The following MPV17 variants were observed in gnomAD, a reference collection of about 807,000 sequenced individuals.
MPV17 encodes MPV17, mitochondrial inner membrane protein.
MPV17 carries 31 observed loss-of-function variants against 28.6 expected under a neutral mutation model. The ratio of observed to expected loss-of-function variants is 1.08; its 90% CI spans 0.81 to 1.46. The LOEUF is 1.46. MPV17 is among the 40% of genes most tolerant of loss of function. The probability of loss-of-function intolerance (pLI) is 0.00; values close to 1 mark genes in which losing one functional copy is unlikely to be tolerated. For missense variants in MPV17, 198 were observed against 216.2 expected, an observed-to-expected ratio of 0.92 and a Z score of 0.53; for synonymous variants, 87 against 85.3, an observed-to-expected ratio of 1.02 and a Z score of -0.11.
At chr2:27,313,512 C>A (rs1679538839) in intron 2 of MPV17, 2 of 430,982 alleles carry the variant, frequency 4.6e-6, no homozygotes, top group Non-Finnish European at 8.6e-6. Context: ...AGTCCAGGGT[C>A]TCACATAACC....
chr2:27,315,867 C>T, intron 2 of MPV17: 1 of 1,366,454 alleles, frequency 7.3e-7, no homozygotes, highest in South Asian at 1.8e-5. Context: ...CAGCCTACAC[C>T]CCCATTTAAT....
At chr2:27,322,737 G>A (rs1005884222) in intron 1 of MPV17, among the ~76,000 whole-genome samples, 3 of 152,210 alleles carry the variant, frequency 2.0e-5, no homozygotes, top group Admixed American at 6.5e-5. Context: ...GGAAGCTATG[G>A]ACTCCTGGTA....
Position 27,312,579 on chromosome 2 carries a change from G to A in MPV17, c.290C>T (p.Ala97Val), listed in dbSNP as rs373571379. ...KKMLLDQGGF[A>V]PCFLGCFLPL... ...GAGAAAGCAGCCTAGAAAACACGGG[G>A]CAAAGCCCCCCTAGGGAAGAGAAAT... Residue 97 changes from alanine to valine, a missense_variant, in exon 5 of 8, where the codon GCC becomes GTC. By Grantham distance (64) the Ala-to-Val change is moderately conservative. Coordinates refer to ENST00000380044, the MANE Select transcript of MPV17 (RefSeq NM_002437.5). 2 of 1,613,986 alleles carry A rather than the reference G, an allele frequency of 1.2e-6. No homozygotes were observed. The highest frequency in any genetic ancestry group is 1.7e-6 in the Non-Finnish European group (2 of 1,179,978).
chr2:27,318,069 CTTT>C (rs746744519), intron 2 of MPV17, among the ~76,000 whole-genome samples: 7 of 137,374 alleles, frequency 5.1e-5, no homozygotes, highest in Admixed American at 7.4e-5. Context: ...TCTTTCTTTT[CTTT>C]TTTTTTTTTT....
intron 2 of MPV17, among the ~76,000 whole-genome samples, chr2:27,318,564 G>C (rs1679743125): frequency 6.6e-6 from 1 of 151,398 alleles, no homozygotes; most frequent in Non-Finnish European, 1.5e-5. Context: ...CACCATGTTG[G>C]CCAGGCTGGT....
rs1421493489 is a variant in MPV17, at chr2:27,312,772, C to G, written c.187G>C (p.Gly63Arg). 6.2e-7 allele frequency: 1 copy of G among 1,614,026 alleles called. No homozygotes were observed. The highest frequency in any genetic ancestry group is 8.5e-7 in the Non-Finnish European group (1 of 1,180,024). ...TMVSLGCGFV[G>R]PVVGGWYKVL... ...TTGTACCAGCCTCCTACCACAGGGC[C>G]CTGGAAGTAAACCCCAGATAGCAGC... Residue 63 changes from glycine to arginine, a missense_variant and splice_region_variant, in exon 4 of 8, where the codon GGC (glycine) becomes CGC (arginine). By Grantham distance (125) the Gly-to-Arg change is moderately radical. Transcript: ENST00000380044.
At chr2:27,311,426 A>G (rs749051356) in intron 7 of MPV17, 10 of 694,672 alleles carry the variant, frequency 1.4e-5, no homozygotes, top group Non-Finnish European at 2.4e-5. Context: ...GAAGCGTTCC[A>G]TATTTTCCCC....
At chr2:27,310,072 C>T in intron 7 of MPV17, 91 bp from the exon 8 acceptor site, 1 of 984,486 alleles carries the variant, frequency 1.0e-6, no homozygotes, top group Non-Finnish European at 1.6e-6. Context: ...AAGGAGGGAT[C>T]ATGACAAAGG....
rs1679677017 is a variant in MPV17 at position 27,316,949 on chromosome 2, C to T, written c.71-3840G>A. On this transcript the variant is annotated intron_variant, in intron 2 of 7. Coordinates refer to ENST00000380044, the MANE Select transcript of MPV17 (RefSeq NM_002437.5). ...GATCCAGCGGCCAGGGGGAAGGGAG[C>T]CTGCCTCTGAGCAGATCAATTTGGG... The T allele has an allele frequency of 5.7e-5, 50 of 870,060 alleles. 3 individuals are homozygous for T. The South Asian group carries it at 9.3e-4, about 16-fold the overall frequency. 53.9% of individuals were successfully genotyped at this position (870,060 alleles called of 1,614,324 possible).
intron 7 of MPV17, chr2:27,311,255 C>CGCCGTA: frequency 3.6e-6 from 1 of 275,830 alleles, no homozygotes; most frequent in Non-Finnish European, 6.9e-6. Flanking sequence ...GAGATGAGGT[C>CGCCGTA]TCACTATATT....
At chr2:27,318,966 T>C (rs1679758257) in intron 2 of MPV17, among the ~76,000 whole-genome samples, 1 of 151,926 alleles carries the variant, frequency 6.6e-6, no homozygotes. Context: ...GGTTTCACCA[T>C]GTTGGCCAGG....
intron 6 of MPV17, 39 bp from the exon 7 acceptor site, chr2:27,311,990 C>G (rs370221952): frequency 3.1e-6 from 5 of 1,607,754 alleles, no homozygotes; most frequent in African/African-American, 2.7e-5. Context: ...GCTGCCCCAC[C>G]ACCTGACCCC....
chr2:27,320,053 T>C (rs944604680), intron 2 of MPV17, among the ~76,000 whole-genome samples: 1 of 151,346 alleles, frequency 6.6e-6, no homozygotes. Context: ...CTGGCCAACA[T>C]GGTGAAATCC....
chr2:27,322,648 G>T, intron 1 of MPV17, 126 bp from the exon 2 acceptor site: 4 of 747,812 alleles, frequency 5.3e-6, no homozygotes, highest in Non-Finnish European at 9.3e-6. Context: ...AGGGGCAGAG[G>T]CCACATGAAG....
intron 7 of MPV17, chr2:27,311,526 TGTGA>T (rs1679438309): frequency 2.1e-6 from 3 of 1,430,514 alleles, no homozygotes; most frequent in Non-Finnish European, 2.9e-6. Context: ...CTGTCTTTAT[TGTGA>T]GTGTCTGACC....
chr2:27,319,960 G>A (rs1158375101), intron 2 of MPV17, among the ~76,000 whole-genome samples: 2 of 150,260 alleles, frequency 1.3e-5, no homozygotes, highest in South Asian at 4.2e-4. Flanking sequence ...AAAAAAGGCT[G>A]AGCTCAGTGG....
intron 3 of MPV17, 67 bp from the exon 4 acceptor site, chr2:27,312,839 T>C: frequency 1.3e-6 from 2 of 1,561,602 alleles, no homozygotes; most frequent in African/African-American, 1.4e-5. Context: ...CTCACTAAGC[T>C]CCCTGCCCCA....
chr2:27,312,717 G>C lies in MPV17; in HGVS notation c.242C>G (p.Thr81Ser). 1 of 1,614,192 alleles carries C rather than the reference G, an allele frequency of 6.2e-7. No homozygotes were observed. Among genetic ancestry groups the C allele is most frequent in the Non-Finnish European group, 8.5e-7 (1 of 1,180,038 alleles). ...CATCTTCTTCAGTGCATCCACTTTG[G>C]TGGTGCCAGGGATGAACCGATCCAA... is the stretch of plus-strand genomic sequence containing the variant. ...KVLDRFIPGT[T>S]KVDALKKMLL... is the part of the protein sequence containing the mutation. Residue 81 changes from threonine to serine, a missense_variant, in exon 4 of 8, where the codon ACC (threonine) becomes AGC (serine). Transcript: ENST00000380044.
At chr2:27,319,415 C>T (rs1263086515) in intron 2 of MPV17, among the ~76,000 whole-genome samples, 1 of 146,482 alleles carries the variant, frequency 6.8e-6, no homozygotes, top group Non-Finnish European at 1.5e-5. Flanking sequence ...CCCAACCACT[C>T]GGGAGGCTAA....
Sources: gnomAD v4.1 joint callset for allele counts (sites outside exome capture counted in the v4.1 genomes callset) on GRCh38, gnomAD v4.1.1 for gene constraint, MANE v1.5 for transcripts, NCBI Gene and HGNC (gene_info 2026-07-23, HGNC 2026-07-21) for gene names.